Variants in ZC3H12B observed in about 807,000 individuals in gnomAD.
The protein encoded by ZC3H12B is probable ribonuclease ZC3H12B.
In ZC3H12B, 7 loss-of-function variants were observed where a neutral mutation model predicts 43.9. That is an observed-to-expected ratio of 0.16 (90% CI 0.09 to 0.30). ZC3H12B has a LOEUF of 0.30. ZC3H12B is among the 10% of genes least tolerant of loss of function. The pLI is 1.00. For synonymous variants in ZC3H12B, 222 were observed against 241.7 expected (o/e 0.92, Z 0.76); for missense variants, 475 against 670.2 (o/e 0.71, Z 3.22).
the ZC3H12B span, among the ~76,000 whole-genome samples, chrX:65,122,381 G>T: frequency 9.0e-6 from 1 of 110,980 alleles, no homozygotes; most frequent in Non-Finnish European, 1.9e-5. Context: ...AGCTCCTGAA[G>T]GAAGCACTAA....
In ZC3H12B at chrX:65,381,482, A is replaced by G. The variant is rs965801606; in HGVS notation, n.295+12484A>G. 1.5e-4 allele frequency among the ~76,000 whole-genome samples: 17 copies of G among 111,715 alleles called. No individual in the cohort carries two copies. In the East Asian group the frequency reaches 4.5e-3, roughly 29 times the overall value. ...TGTAGAGGGAAATTTATAGCACTAA[A>G]TGTCCACAAGAGAAAGCAGGAAAGA... On this transcript the variant is annotated intron_variant and non_coding_transcript_variant, in intron 2 of 5. Transcript: ENST00000617377.
chrX:65,343,416 C>CA, the ZC3H12B span, among the ~76,000 whole-genome samples: 4 of 111,545 alleles, frequency 3.6e-5, no homozygotes, highest in Middle Eastern at 4.7e-3. Flanking sequence ...AACATTGATG[C>CA]AAAAATCCAC....
At chrX:65,397,030 C>CT (rs1286088471) in intron 2 of ZC3H12B, among the ~76,000 whole-genome samples, 1 of 111,247 alleles carries the variant, frequency 9.0e-6, no homozygotes, top group Non-Finnish European at 1.9e-5. Context: ...GCAACCTCGG[C>CT]TTTTTTTGCT....
intron 3 of ZC3H12B, among the ~76,000 whole-genome samples, chrX:65,442,791 GC>G (rs750764583): frequency 3.1e-4 from 35 of 112,118 alleles, no homozygotes; most frequent in African/African-American, 1.1e-3. Flanking sequence ...AAAGGAAAAG[GC>G]TCAAATGTAG....
the ZC3H12B span, among the ~76,000 whole-genome samples, chrX:65,214,322 G>C: frequency 8.9e-6 from 1 of 111,781 alleles, no homozygotes; most frequent in Non-Finnish European, 1.9e-5. Context: ...TTTGATAGCA[G>C]TTTATCCACA....
At chrX:65,098,736 G>A in the ZC3H12B span, among the ~76,000 whole-genome samples, 155 of 110,909 alleles carry the variant, frequency 1.4e-3, no homozygotes, top group African/African-American at 2.4e-3. Context: ...TTTGCAATCC[G>A]CAGACCAGGA....
intron 3 of ZC3H12B, among the ~76,000 whole-genome samples, chrX:65,454,192 A>G (rs1473683599): frequency 8.9e-6 from 1 of 112,872 alleles, no homozygotes; most frequent in Non-Finnish European, 1.9e-5. Context: ...AGGGCGAGGC[A>G]TCACCTCACC....
At chrX:65,305,725 C>A in the ZC3H12B span, among the ~76,000 whole-genome samples, 1 of 111,925 alleles carries the variant, frequency 8.9e-6, no homozygotes, top group Non-Finnish European at 1.9e-5. Flanking sequence ...TGGAGGAACT[C>A]CTCAGTGCCC....
At chrX:65,137,242 CAAAT>C in the ZC3H12B span, among the ~76,000 whole-genome samples, 1 of 111,899 alleles carries the variant, frequency 8.9e-6, no homozygotes, top group Non-Finnish European at 1.9e-5. Flanking sequence ...AAGAAAGACA[CAAAT>C]AATTTATTTT....
the ZC3H12B span, among the ~76,000 whole-genome samples, chrX:65,171,431 A>G: frequency 9.0e-6 from 1 of 110,672 alleles, no homozygotes; most frequent in East Asian, 2.9e-4. Flanking sequence ...ACCCAGCTGT[A>G]TGAGGTGTCA....
chrX:65,128,807 TGTCTCTC>T, the ZC3H12B span, among the ~76,000 whole-genome samples: 1 of 112,008 alleles, frequency 8.9e-6, no homozygotes, highest in African/African-American at 3.2e-5. Flanking sequence ...TTTTCTCCTT[TGTCTCTC>T]ATATTTTCTT....
chrX:65,330,163 G>T, the ZC3H12B span, among the ~76,000 whole-genome samples: 7 of 110,016 alleles, frequency 6.4e-5, no homozygotes, highest in African/African-American at 2.3e-4. Flanking sequence ...TCATGATATT[G>T]ATTCTTCCTA....
chrX:65,311,795 C>T, the ZC3H12B span, among the ~76,000 whole-genome samples: 2 of 111,606 alleles, frequency 1.8e-5, no homozygotes, highest in African/African-American at 6.5e-5. Context: ...ACATATACAC[C>T]ATGGAATACT....
chrX:65,498,386 G>C (rs1412806675), intron 2 of ZC3H12B, among the ~76,000 whole-genome samples: 4 of 111,858 alleles, frequency 3.6e-5, no homozygotes, highest in African/African-American at 1.3e-4. Flanking sequence ...TGTCTGAGCT[G>C]TGTGTGAAGC....
chrX:65,355,367 T>C, the ZC3H12B span, among the ~76,000 whole-genome samples: 3 of 112,076 alleles, frequency 2.7e-5, no homozygotes, highest in African/African-American at 9.7e-5. Flanking sequence ...AATAAAAACC[T>C]GGTTATACAA....
chrX:65,053,416 G>A, the ZC3H12B span, among the ~76,000 whole-genome samples: 3 of 110,773 alleles, frequency 2.7e-5, no homozygotes, highest in Admixed American at 1.9e-4. Context: ...CTTCATCCAT[G>A]TCCCTACAAA....
chrX:65,267,546 T>A, the ZC3H12B span, among the ~76,000 whole-genome samples: 1 of 110,807 alleles, frequency 9.0e-6, no homozygotes, highest in Admixed American at 9.6e-5. Flanking sequence ...GATATTGGAC[T>A]CATTCGAAAA....
chrX:65,171,460 G>T, the ZC3H12B span, among the ~76,000 whole-genome samples: 1 of 111,142 alleles, frequency 9.0e-6, no homozygotes, highest in African/African-American at 3.3e-5. Context: ...GTATTGGGAG[G>T]TGTCTATAAG....
chrX:65,378,216 G>A lies in ZC3H12B; in HGVS notation n.295+9218G>A, dbSNP rs2066376082. Among the ~76,000 whole-genome samples the A allele has an allele frequency of 3.6e-5, 4 of 111,357 alleles. 1 individual carries two copies. The South Asian group carries it at 1.5e-3, about 42-fold the overall frequency. On this transcript the variant is annotated intron_variant and non_coding_transcript_variant, in intron 2 of 5. Coordinates refer to the ZC3H12B transcript ENST00000617377. ...CTTGTAAACTTCCCCATCTTAAATA[G>A]AAAGACTTAAAGATGAACCAATCAA...
Sources: gnomAD v4.1 joint callset for allele counts (sites outside exome capture counted in the v4.1 genomes callset) on GRCh38, gnomAD v4.1.1 for gene constraint, MANE v1.5 for transcripts, NCBI Gene and HGNC (gene_info 2026-07-23, HGNC 2026-07-21) for gene names.